ZFC3H1: variants seen among roughly 807,000 people sequenced by gnomAD.
ZFC3H1 encodes zinc finger C3H1 domain-containing protein.
A neutral mutation model predicts 243.7 loss-of-function variants in ZFC3H1; 71 were observed. That is an observed-to-expected ratio of 0.29 (90% CI 0.24 to 0.36). The LOEUF (loss-of-function observed/expected upper bound fraction) is 0.36, where lower values mean the gene tolerates loss of function less well. ZFC3H1 is among the 10% of genes least tolerant of loss of function. ZFC3H1 has a pLI of 1.00. For missense variants in ZFC3H1, 1,966 were observed against 2,317.1 expected (o/e 0.85, Z 3.11); for synonymous variants, 838 against 813.0 (o/e 1.03, Z -0.52).
chr12:71,625,745 A>AT (rs1294399142), intron 22 of ZFC3H1, among the ~76,000 whole-genome samples: 3 of 152,102 alleles, frequency 2.0e-5, no homozygotes, highest in Non-Finnish European at 2.9e-5. Context: ...GGAAGAGGCC[A>AT]TTTTTTCTCA....
chr12:71,640,603 G>A (rs1160059146), intron 6 of ZFC3H1, among the ~76,000 whole-genome samples: 1 of 151,820 alleles, frequency 6.6e-6, no homozygotes, highest in Non-Finnish European at 1.5e-5. Context: ...TGCAGTTCCT[G>A]CTCTGCTTTC....
intron 27 of ZFC3H1, 49 bp downstream of exon 27, chr12:71,619,266 A>G: frequency 6.5e-7 from 1 of 1,541,906 alleles, no homozygotes; most frequent in Non-Finnish European, 8.9e-7. Context: ...CTTTCTACTG[A>G]ACTGTGCTCT....
rs1482838425 is a variant in ZFC3H1 at position 71,620,322 on chromosome 12, A to C, written c.4745-7T>G. The C allele has an allele frequency of 1.2e-6, 2 of 1,613,110 alleles. No individual in the cohort carries two copies. Among genetic ancestry groups the C allele is most frequent in the East Asian group, 2.2e-5 (1 of 44,874 alleles). ...GTGCAAGCTTTCACTGCATCTACCCAAAAACATCACAACAACATGAATCAC... is the reference window on the plus strand; with the variant it reads ...GTGCAAGCTTTCACTGCATCTACCCCAAAACATCACAACAACATGAATCAC... On this transcript the variant is annotated splice_polypyrimidine_tract_variant and splice_region_variant and intron_variant, in intron 24 of 34. Transcript: ENST00000378743.
chr12:71,612,491 T>C (rs970121445), intron 31 of ZFC3H1, among the ~76,000 whole-genome samples: 3 of 152,158 alleles, frequency 2.0e-5, no homozygotes, highest in African/African-American at 7.2e-5. Context: ...ATAATTAACA[T>C]TTCTGTAATG....
chr12:71,634,071 A>ATATATATAT, intron 12 of ZFC3H1, 84 bp downstream of exon 12: 1 of 1,337,986 alleles, frequency 7.5e-7, no homozygotes, highest in Admixed American at 2.3e-5. Context: ...ATAATCTTAT[A>ATATATATAT]GTACGCTTAT....
chr12:71,654,883 T>C (rs1346154343), intron 2 of ZFC3H1, among the ~76,000 whole-genome samples: 1 of 152,146 alleles, frequency 6.6e-6, no homozygotes, highest in Admixed American at 6.6e-5. Context: ...AAGAGAAAGA[T>C]GATGTGGCTA....
rs187285107 is a variant in ZFC3H1 at position 71,619,652 on chromosome 12, C to T, written c.5050-243G>A. ...TTACCACAGGCTCATATTTCATCCACCAATTATGTATTAGCCATCTAGCAC... is the reference window on the plus strand; with the variant it reads ...TTACCACAGGCTCATATTTCATCCATCAATTATGTATTAGCCATCTAGCAC... On this transcript the variant is annotated intron_variant, in intron 26 of 34. Transcript: ENST00000378743. 5.3e-5 allele frequency among the ~76,000 whole-genome samples: 8 copies of T among 152,208 alleles called. No individual in the cohort carries two copies. In the East Asian group the frequency reaches 1.5e-3, roughly 29 times the overall value.
intron 7 of ZFC3H1, 32 bp downstream of exon 7, chr12:71,638,386 A>G (rs1880517275): frequency 6.3e-7 from 1 of 1,591,382 alleles, no homozygotes; most frequent in East Asian, 2.2e-5. Context: ...GACAAGACAA[A>G]ATAATTTTCT....
At position 71,626,424 on chromosome 12, in the gene ZFC3H1, A is replaced by C; in HGVS notation, c.4153T>G (p.Ser1385Ala). ...NEGECSESLD[S>A]ALNVLARALE... ...GCTCGCGCCAGAACATTTAAAGCAG[A>C]ATCCAAGGATTCTGAGCACTCCCTG... is the stretch of plus-strand genomic sequence containing the variant. The change falls in exon 22 of 35, where the codon TCT becomes GCT. Residue 1385 changes from serine to alanine, a missense_variant. Around this residue, in one of 4 missense-constraint regions of ZFC3H1, gnomAD observed 1,383 missense variants for 1,723.7 expected, o/e 0.80. Coordinates refer to ENST00000378743, the MANE Select transcript of ZFC3H1 (RefSeq NM_144982.5). 1 of 1,613,866 alleles carries C rather than the reference A, an allele frequency of 6.2e-7. No individual in the cohort carries two copies. The highest frequency in any genetic ancestry group is 2.2e-5 in the East Asian group (1 of 44,864).
intron 21 of ZFC3H1, among the ~76,000 whole-genome samples, chr12:71,627,124 T>G (rs1280769566): frequency 1.1e-5 from 1 of 94,018 alleles, no homozygotes; most frequent in Non-Finnish European, 3.0e-5. Flanking sequence ...CAAAGAAACG[T>G]GTAAAAAAAA....
In ZFC3H1 at chr12:71,644,338, A is replaced by G. The variant is rs778986262; in HGVS notation, c.1280-20T>C. On this transcript the variant is annotated intron_variant, in intron 4 of 34. Coordinates refer to ENST00000378743, the MANE Select transcript of ZFC3H1 (RefSeq NM_144982.5). The stretch of plus-strand genomic sequence containing the variant: ...GTTTAGCTTTAAATAAAAAACACAT[A>G]AACATTAGCATCTGTTAGGAGATAA... 4 of 1,605,624 alleles carry G rather than the reference A, an allele frequency of 2.5e-6. No individual in the cohort carries two copies. The highest frequency in any genetic ancestry group is 4.5e-5 in the East Asian group (2 of 44,784).
At chr12:71,628,198 T>C (rs1314048993) in intron 20 of ZFC3H1, among the ~76,000 whole-genome samples, 2 of 152,228 alleles carry the variant, frequency 1.3e-5, no homozygotes, top group Non-Finnish European at 2.9e-5. Flanking sequence ...TAAGTGACAT[T>C]ACCTTTTCAG....
At chr12:71,645,355 G>T (rs895964262) in intron 3 of ZFC3H1, among the ~76,000 whole-genome samples, 1 of 152,126 alleles carries the variant, frequency 6.6e-6, no homozygotes, top group East Asian at 1.9e-4. Flanking sequence ...ATGCAAAAAA[G>T]AAAAGAGTTA....
chr12:71,655,071 A>T (rs1347141014), intron 2 of ZFC3H1, among the ~76,000 whole-genome samples: 1 of 152,168 alleles, frequency 6.6e-6, no homozygotes, highest in Non-Finnish European at 1.5e-5. Flanking sequence ...ATCAAAAAAT[A>T]AAAAAAGTGA....
intron 1 of ZFC3H1, 58 bp from the exon 2 acceptor site, chr12:71,657,359 A>C: frequency 8.0e-7 from 1 of 1,246,172 alleles, no homozygotes; most frequent in Non-Finnish European, 1.1e-6. Context: ...AAATTTAACA[A>C]AAAAACTTAG....
Position 71,615,391 on chromosome 12 carries a change from CGTTA to C in ZFC3H1, c.5145-79_5145-76del, listed in dbSNP as rs577644145. 279 of 977,428 alleles carry C rather than the reference CGTTA, an allele frequency of 2.9e-4. 1 individual carries two copies. The African/African-American group carries it at 4.1e-3, about 14-fold the overall frequency. The allele number at this position is 977,428 out of a possible 1,614,324, so 60.5% of individuals were successfully genotyped here. ...GAATTACACACATATTTTTTAAAAT[CGTTA>C]GTTTCACTTAAATTTCATTGAAATA... is the stretch of plus-strand genomic sequence containing the variant. On this transcript the variant is annotated intron_variant, in intron 27 of 34. Transcript: ENST00000378743.
At chr12:71,633,650 T>A (rs1012263377) in intron 12 of ZFC3H1, among the ~76,000 whole-genome samples, 16 of 149,698 alleles carry the variant, frequency 1.1e-4, no homozygotes, top group Non-Finnish European at 1.5e-4. Flanking sequence ...ACTGATCTTT[T>A]AAAAAAAAAA....
chr12:71,620,894 C>T (rs146837761), intron 24 of ZFC3H1, among the ~76,000 whole-genome samples: 5 of 152,344 alleles, frequency 3.3e-5, no homozygotes, highest in African/African-American at 1.2e-4. Context: ...CTTCCCAGAT[C>T]TGTGGAGTTT....
rs200682406 is a variant in ZFC3H1 at position 71,637,087 on chromosome 12, A to T, written c.1726-28T>A. On this transcript the variant is annotated intron_variant, in intron 7 of 34. Coordinates refer to ENST00000378743, the MANE Select transcript of ZFC3H1 (RefSeq NM_144982.5). Reference sequence around the variant, plus strand: ...ATTTTTTAAAAAAAGAAAGAATTACAACGCAAATTTTATCAACTCAAATGC... The same window carrying T: ...ATTTTTTAAAAAAAGAAAGAATTACTACGCAAATTTTATCAACTCAAATGC... 2,907 of 1,583,500 alleles carry T rather than the reference A, an allele frequency of 1.8e-3. 10 individuals are homozygous for T. Among genetic ancestry groups the T allele is most frequent in the Middle Eastern group, 0.017 (91 of 5,416 alleles).
Sources: allele counts gnomAD v4.1 joint callset (sites outside exome capture counted in the v4.1 genomes callset), GRCh38; gene constraint gnomAD v4.1.1; regional missense constraint gnomAD v4.1.1; transcripts MANE v1.5; gene names NCBI Gene and HGNC (gene_info 2026-07-23, HGNC 2026-07-21).